Variants in FLT3 observed in about 807,000 individuals in gnomAD.
FLT3 encodes receptor-type tyrosine-protein kinase FLT3.
A neutral mutation model predicts 126.6 loss-of-function variants in FLT3; 46 were observed. The observed-to-expected ratio is 0.36, with a 90% CI of 0.29 to 0.46. The LOEUF is 0.46. Ranked by LOEUF, FLT3 falls within the 20% of genes least tolerant of loss-of-function variation. The pLI is 1.00. For synonymous variants in FLT3, 404 were observed against 434.4 expected (o/e 0.93, Z 0.87); for missense variants, 1,069 against 1,190.3 (o/e 0.90, Z 1.50).
chr13:28,034,136 T>C lies in FLT3; in HGVS notation c.1783A>G (p.Arg595Gly), dbSNP rs2137675135. 6.2e-7 allele frequency: 1 copy of C among 1,614,040 alleles called. No individual in the cohort carries two copies. The highest frequency in any genetic ancestry group is 8.5e-7 in the Non-Finnish European group (1 of 1,179,896). ...CATTTGAGATCATATTCATATTCTC[T>C]GAAATCAACGTAGAAGTACTCATTA... is the stretch of plus-strand genomic sequence containing the variant. The part of the protein sequence containing the change: ...SDNEYFYVDF[R>G]EYEYDLKWEF... Residue 595 changes from arginine to glycine, a missense_variant, in exon 14 of 24, where the codon AGA becomes GGA. By Grantham distance (125) the Arg-to-Gly change is moderately radical. Coordinates refer to ENST00000241453, the MANE Select transcript of FLT3 (RefSeq NM_004119.3).
At chr13:28,077,629 GC>G (rs1163437370) in intron 1 of FLT3, among the ~76,000 whole-genome samples, 1 of 152,030 alleles carries the variant, frequency 6.6e-6, no homozygotes, top group African/African-American at 2.4e-5. Context: ...ATATCATTCT[GC>G]CCCGGCCCCT....
chr13:28,017,620 T>A lies in FLT3; in HGVS notation c.2541+847A>T, dbSNP rs1377373206. Among the ~76,000 whole-genome samples, 5 of 152,108 alleles carry A rather than the reference T, an allele frequency of 3.3e-5. 1 individual carries two copies. The highest frequency in any genetic ancestry group is 7.4e-5 in the Non-Finnish European group (5 of 68,020). The stretch of plus-strand genomic sequence containing the variant: ...TTCTTTTTGTAAACACATCTGTCCT[T>A]AGTTTTTCATTACCAAGTCAATTCA... On this transcript the variant is annotated intron_variant, in intron 20 of 23. Coordinates refer to ENST00000241453, the MANE Select transcript of FLT3 (RefSeq NM_004119.3).
At chr13:28,097,998 C>T (rs1331854304) in intron 1 of FLT3, among the ~76,000 whole-genome samples, 1 of 152,100 alleles carries the variant, frequency 6.6e-6, no homozygotes. Context: ...AAAGCTTCAT[C>T]ATTATTCATA....
chr13:28,019,765 G>A (rs1391155721), intron 19 of FLT3, among the ~76,000 whole-genome samples: 1 of 152,086 alleles, frequency 6.6e-6, no homozygotes, highest in Non-Finnish European at 1.5e-5. Context: ...TGCTGCTGTT[G>A]GCCAGCCCCT....
chr13:28,073,352 GAAAAAAAA>G (rs35318238), intron 1 of FLT3: 3 of 298,926 alleles, frequency 1.0e-5, no homozygotes, highest in East Asian at 1.0e-4. Context: ...CTCATCTCTG[GAAAAAAAA>G]AAAAAAAAAG....
Position 28,003,763 on chromosome 13 carries a change from G to C in FLT3, c.*289C>G, listed in dbSNP as rs1300320091. On this transcript the variant is annotated 3_prime_UTR_variant, in exon 24 of 24. Transcript: ENST00000241453. ...TTTTATGTATTTACAAGAATATACTGTACTTCAGGTACACAATTCACTCAA... is the reference window on the plus strand; with the variant it reads ...TTTTATGTATTTACAAGAATATACTCTACTTCAGGTACACAATTCACTCAA... 7.2e-6 allele frequency: 3 copies of C among 414,186 alleles called. No individual in the cohort carries two copies. Among genetic ancestry groups the C allele is most frequent in the Non-Finnish European group, 1.3e-5 (3 of 227,286 alleles). 25.7% of individuals were successfully genotyped at this position (414,186 alleles called of 1,614,324 possible).
intron 20 of FLT3, among the ~76,000 whole-genome samples, chr13:28,015,989 T>G (rs1310473983): frequency 6.6e-6 from 1 of 152,138 alleles, no homozygotes; most frequent in African/African-American, 2.4e-5. Flanking sequence ...GTACTTTCCA[T>G]TAAGGAATAG....
chr13:28,091,211 T>C (rs1429801131), intron 1 of FLT3, among the ~76,000 whole-genome samples: 1 of 72,116 alleles, frequency 1.4e-5, no homozygotes, highest in African/African-American at 6.6e-5. Flanking sequence ...CATTTTCTTT[T>C]TTTTTTTTTT....
chr13:28,091,135 C>T (rs1879002527), intron 1 of FLT3, among the ~76,000 whole-genome samples: 1 of 150,760 alleles, frequency 6.6e-6, no homozygotes, highest in Non-Finnish European at 1.5e-5. Flanking sequence ...AGTTCCAAGT[C>T]CCTCTTCTGA....
At chr13:28,005,290 C>T (rs1870781417) in intron 23 of FLT3, among the ~76,000 whole-genome samples, 1 of 151,958 alleles carries the variant, frequency 6.6e-6, no homozygotes, top group South Asian at 2.1e-4. Context: ...GATTGTGCCA[C>T]TGCACTCCAG....
At chr13:28,093,907 G>C (rs1315797570) in intron 1 of FLT3, among the ~76,000 whole-genome samples, 1 of 152,034 alleles carries the variant, frequency 6.6e-6, no homozygotes, top group African/African-American at 2.4e-5. Context: ...TCTGTGGAAG[G>C]AGGAAGGGTG....
chr13:28,059,294 G>A (rs1480875988), intron 3 of FLT3, among the ~76,000 whole-genome samples: 1 of 152,086 alleles, frequency 6.6e-6, no homozygotes, highest in African/African-American at 2.4e-5. Context: ...CCTGGAAAGC[G>A]CGTGCCTTCT....
intron 19 of FLT3, 31 bp from the exon 20 acceptor site, chr13:28,018,620 C>T (rs774936542): frequency 1.1e-5 from 18 of 1,612,050 alleles, no homozygotes; most frequent in Non-Finnish European, 1.4e-5. Flanking sequence ...GTGTTATTTA[C>T]TGTGATGTGT....
Position 28,003,542 on chromosome 13 carries a change from T to C in FLT3, c.*510A>G, listed in dbSNP as rs1593199804. The C allele has an allele frequency of 4.2e-6, 1 of 238,496 alleles. No homozygotes were observed. The highest frequency in any genetic ancestry group is 5.9e-5 in the East Asian group (1 of 16,910). The allele number at this position is 238,496 out of a possible 1,614,324, so 14.8% of individuals were successfully genotyped here. Reference sequence around the variant, plus strand: ...TGTGTAGGTGGCTATGGGTGCACAATTTCAGGGGGTTCGTGAACTCCAGTT... The same window carrying C: ...TGTGTAGGTGGCTATGGGTGCACAACTTCAGGGGGTTCGTGAACTCCAGTT... On this transcript the variant is annotated 3_prime_UTR_variant, in exon 24 of 24. Transcript: ENST00000241453.
chr13:28,015,644 T>C lies in FLT3; in HGVS notation c.2599A>G (p.Ile867Val), dbSNP rs1871784801. ...CCATATGACCAGACATCACTCTTAA[T>C]GGTGTAGATGCCTTCAAACAGGCTT... is the stretch of plus-strand genomic sequence containing the variant. ...PESLFEGIYT[I>V]KSDVWSYGIL... Residue 867 changes from isoleucine to valine, a missense_variant, in exon 21 of 24, where the codon ATT (isoleucine) becomes GTT (valine). Transcript: ENST00000241453. The C allele has an allele frequency of 6.2e-7, 1 of 1,613,558 alleles. No individual in the cohort carries two copies. Among genetic ancestry groups the C allele is most frequent in the South Asian group, 1.1e-5 (1 of 91,062 alleles).
At chr13:28,017,675 T>A (rs532071047) in intron 20 of FLT3, among the ~76,000 whole-genome samples, 6,321 of 150,972 alleles carry the variant, frequency 0.042, 451 homozygotes, top group African/African-American at 0.14. Flanking sequence ...GTTTTTTTTT[T>A]TTTTTTGAGA....
intron 23 of FLT3, among the ~76,000 whole-genome samples, chr13:28,004,995 A>T (rs1870753100): frequency 6.6e-6 from 1 of 152,188 alleles, no homozygotes; most frequent in Admixed American, 6.5e-5. Context: ...CCAAATATGA[A>T]GTTAACATGC....
chr13:28,095,609 T>A (rs980225693), intron 1 of FLT3, among the ~76,000 whole-genome samples: 3 of 152,192 alleles, frequency 2.0e-5, no homozygotes, highest in African/African-American at 7.2e-5. Context: ...ATCTACAAGA[T>A]CCCTTTCAAA....
At chr13:28,025,382 T>C (rs1402174258) in intron 17 of FLT3, 14 of 453,506 alleles carry the variant, frequency 3.1e-5, no homozygotes, top group Middle Eastern at 3.2e-4. Flanking sequence ...CCTTCTTTTT[T>C]CCAGTTTGCC....
Sources: allele counts gnomAD v4.1 joint callset (sites outside exome capture counted in the v4.1 genomes callset), GRCh38; gene constraint gnomAD v4.1.1; transcripts MANE v1.5; gene names NCBI Gene and HGNC (gene_info 2026-07-23, HGNC 2026-07-21).